Variants in CROT observed in about 807,000 individuals in gnomAD.
The protein encoded by CROT is peroxisomal carnitine O-octanoyltransferase.
Under a neutral mutation model 89.2 loss-of-function variants are expected in CROT, and 84 were observed. The ratio of observed to expected loss-of-function variants is 0.94; its 90% confidence interval spans 0.79 to 1.13. CROT has a LOEUF of 1.13. CROT is among the 50% of genes most tolerant of loss of function. CROT has a pLI of 0.00. For synonymous variants in CROT, 212 were observed against 239.5 expected (o/e 0.89, Z 1.06); for missense variants, 711 against 727.8 (o/e 0.98, Z 0.27).
chr7:87,389,646 T>C (rs1463516857), intron 13 of CROT, among the ~76,000 whole-genome samples: 1 of 152,038 alleles, frequency 6.6e-6, no homozygotes, highest in Non-Finnish European at 1.5e-5. Flanking sequence ...AGGGGAGGGA[T>C]AGCATTAGGA....
At chr7:87,365,469 G>T (rs559816755) in intron 6 of CROT, among the ~76,000 whole-genome samples, 1 of 150,712 alleles carries the variant, frequency 6.6e-6, no homozygotes, top group South Asian at 2.1e-4. Flanking sequence ...CGGCCTGGGC[G>T]GCAGAGTGAG....
chr7:87,385,225 G>A (rs1807151343), intron 13 of CROT, among the ~76,000 whole-genome samples: 1 of 147,606 alleles, frequency 6.8e-6, no homozygotes, highest in African/African-American at 2.5e-5. Flanking sequence ...TCCTATTTTT[G>A]TGAAGAATAT....
intron 6 of CROT, among the ~76,000 whole-genome samples, chr7:87,362,209 A>G (rs186433734): frequency 6.6e-6 from 1 of 150,658 alleles, no homozygotes; most frequent in East Asian, 2.0e-4. Context: ...TGTCTTTTTG[A>G]GTGTTTACTT....
chr7:87,382,831 C>G (rs1419767668), intron 13 of CROT, among the ~76,000 whole-genome samples: 4 of 152,156 alleles, frequency 2.6e-5, no homozygotes, highest in South Asian at 2.1e-4. Context: ...GGTTTTCTTG[C>G]AACGTCAGTT....
chr7:87,375,498 T>C (rs1397245087), intron 7 of CROT, 134 bp from the exon 8 acceptor site: 2 of 587,606 alleles, frequency 3.4e-6, no homozygotes, highest in African/African-American at 1.9e-5. Flanking sequence ...AGGAAATCTA[T>C]TGGCATCATA....
chr7:87,359,876 C>T, intron 4 of CROT: 1 of 985,954 alleles, frequency 1.0e-6, no homozygotes, highest in Non-Finnish European at 1.2e-6. Flanking sequence ...TTCAGCTCAA[C>T]CATTTCTGTA....
intron 4 of CROT, 166 bp downstream of exon 4, chr7:87,359,496 G>C: frequency 7.3e-7 from 1 of 1,367,326 alleles, no homozygotes. Flanking sequence ...GTTTTCAGTG[G>C]GTGGATTCGG....
At chr7:87,390,327 T>C (rs181117835) in intron 13 of CROT, among the ~76,000 whole-genome samples, 97 of 152,336 alleles carry the variant, frequency 6.4e-4, no homozygotes, top group African/African-American at 2.2e-3. Context: ...ACCTAACGTT[T>C]CAGTAGTCAT....
intron 13 of CROT, among the ~76,000 whole-genome samples, chr7:87,390,683 A>G (rs1255562223): frequency 2.0e-5 from 3 of 152,164 alleles, no homozygotes; most frequent in East Asian, 1.9e-4. Context: ...TCATTCTCCA[A>G]CCCAGGAAAA....
intron 6 of CROT, among the ~76,000 whole-genome samples, chr7:87,366,528 G>A (rs1378849307): frequency 6.6e-6 from 1 of 152,062 alleles, no homozygotes; most frequent in Non-Finnish European, 1.5e-5. Flanking sequence ...ACGATCCATA[G>A]GCTCTCATTT....
intron 3 of CROT, chr7:87,357,623 T>G: frequency 9.3e-6 from 8 of 856,748 alleles, no homozygotes; most frequent in Non-Finnish European, 1.3e-5. Flanking sequence ...AAGAGACAGC[T>G]TATTGAAAGC....
intron 3 of CROT, among the ~76,000 whole-genome samples, chr7:87,358,529 C>T (rs907029099): frequency 6.9e-5 from 10 of 145,310 alleles, no homozygotes; most frequent in East Asian, 2.0e-4. Context: ...AACTTTATAA[C>T]GTAAACAGTT....
Position 87,392,552 on chromosome 7 carries a change from G to A in CROT, c.1426-14G>A, listed in dbSNP as rs570110317. ...ACAGTGTGTTATTGAAGTGTCTCTC[G>A]ATTTTTAATACAGCTTCGTGAGCGG... On this transcript the variant is annotated splice_polypyrimidine_tract_variant and intron_variant, in intron 14 of 17. Coordinates refer to ENST00000331536, the MANE Select transcript of CROT (RefSeq NM_021151.4). 2.2e-5 allele frequency: 36 copies of A among 1,610,004 alleles called. No homozygotes were observed. Among genetic ancestry groups the A allele is most frequent in the Admixed American group, 1.3e-4 (8 of 59,860 alleles).
In CROT at chr7:87,377,428, G is replaced by C; in HGVS notation, c.956G>C (p.Gly319Ala). 1.9e-6 allele frequency: 3 copies of C among 1,608,180 alleles called. No individual in the cohort carries two copies. The highest frequency in any genetic ancestry group is 2.6e-6 in the Non-Finnish European group (3 of 1,175,358). The change falls in exon 10 of 18, where the codon GGA becomes GCA. Residue 319 changes from glycine to alanine, a missense_variant. Physicochemically the swap from Gly to Ala is moderately conservative, Grantham distance 60. Transcript: ENST00000331536. ...TATAACTTGATTTCCTTTTCTAATGGAGTATTTGGCTGTAATTGTGATGTA... is the reference window on the plus strand; with the variant it reads ...TATAACTTGATTTCCTTTTCTAATGCAGTATTTGGCTGTAATTGTGATGTA... ...KSYNLISFSN[G>A]VFGCNCDHAP...
chr7:87,359,497 G>C, intron 4 of CROT, 167 bp downstream of exon 4: 1 of 1,368,660 alleles, frequency 7.3e-7, no homozygotes, highest in Non-Finnish European at 9.4e-7. Context: ...TTTTCAGTGG[G>C]TGGATTCGGG....
intron 13 of CROT, among the ~76,000 whole-genome samples, chr7:87,389,149 A>G (rs1807276874): frequency 6.6e-6 from 1 of 152,228 alleles, no homozygotes; most frequent in Non-Finnish European, 1.5e-5. Context: ...ATGTGGAGAA[A>G]TAGGAATGCT....
At chr7:87,371,325 A>G (rs929917326) in intron 7 of CROT, among the ~76,000 whole-genome samples, 1 of 152,212 alleles carries the variant, frequency 6.6e-6, no homozygotes, top group African/African-American at 2.4e-5. Context: ...TCTTTTAATC[A>G]ACAATAAATG....
rs1434077168 is a variant in CROT, at chr7:87,375,663, A to C, written c.688A>C (p.Ser230Arg). The C allele has an allele frequency of 6.2e-7, 1 of 1,613,432 alleles. No homozygotes were observed. The highest frequency in any genetic ancestry group is 1.7e-4 in the Middle Eastern group (1 of 6,058). ...GACATATATCCACAAGAAGTGCCAT[A>C]GTGAACCTGATGGACCTGGGATTGC... The part of the protein sequence containing the change: ...QLTYIHKKCH[S>R]EPDGPGIAAL... The change falls in exon 8 of 18, where the codon AGT (serine) becomes CGT (arginine). Residue 230 changes from serine (S) to arginine (R), a missense_variant. By Grantham distance (110) the Ser-to-Arg change is moderately radical. Transcript: ENST00000331536.
intron 13 of CROT, among the ~76,000 whole-genome samples, chr7:87,386,875 T>C (rs1807199436): frequency 1.3e-5 from 2 of 152,182 alleles, no homozygotes; most frequent in Non-Finnish European, 2.9e-5. Context: ...TTAGGATTTT[T>C]TTACCCTATA....
Sources: gnomAD v4.1 joint callset for allele counts (sites outside exome capture counted in the v4.1 genomes callset) on GRCh38, gnomAD v4.1.1 for gene constraint, MANE v1.5 for transcripts, NCBI Gene and HGNC (gene_info 2026-07-23, HGNC 2026-07-21) for gene names.